Variants in GAREM1 observed in about 807,000 individuals in gnomAD.
GAREM1 encodes GRB2-associated and regulator of MAPK protein 1.
Under a neutral mutation model 71.3 loss-of-function variants are expected in GAREM1, and 26 were observed. That is an observed-to-expected ratio of 0.36 (90% CI 0.27 to 0.51). The LOEUF is 0.51. GAREM1 is among the 20% of genes least tolerant of loss of function. The probability of loss-of-function intolerance (pLI) is 0.95; values close to 1 mark genes in which losing one functional copy is unlikely to be tolerated. For missense variants in GAREM1, 1,026 were observed against 1,103.1 expected, an observed-to-expected ratio of 0.93 and a Z score of 0.99; for synonymous variants, 440 against 433.2, an observed-to-expected ratio of 1.02 and a Z score of -0.20.
intron 2 of GAREM1, among the ~76,000 whole-genome samples, chr18:32,369,587 GAA>G (rs1487855309): frequency 6.6e-6 from 1 of 152,146 alleles, no homozygotes; most frequent in African/African-American, 2.4e-5. Context: ...TAAAATAAAA[GAA>G]TGACAATTTT....
chr18:32,327,103 T>C lies in GAREM1; in HGVS notation c.263-16780A>G, dbSNP rs1294688405. On this transcript the variant is annotated intron_variant, in intron 2 of 5. Transcript: ENST00000269209. ...GAAATGTAAAAAGAACTGTAATAAC[T>C]GAGTCAGCAATTATGATTTCTGATA... is the stretch of plus-strand genomic sequence containing the variant. 2.6e-5 allele frequency among the ~76,000 whole-genome samples: 4 copies of C among 152,224 alleles called. No homozygotes were observed. The East Asian group carries it at 5.8e-4, about 22-fold the overall frequency.
chr18:32,295,937 G>T (rs1337625054), intron 3 of GAREM1, among the ~76,000 whole-genome samples: 1 of 151,868 alleles, frequency 6.6e-6, no homozygotes, highest in Non-Finnish European at 1.5e-5. Flanking sequence ...TTCAAGCCTA[G>T]GAATTTAAAT....
Position 32,264,828 on chromosome 18 carries a change from G to A in GAREM1, c.*3043C>T, listed in dbSNP as rs1237119532. 1 of 152,216 alleles carries A rather than the reference G, an allele frequency of 6.6e-6. No homozygotes were observed. The highest frequency in any genetic ancestry group is 1.5e-5 in the Non-Finnish European group (1 of 68,054). The allele number at this position is 152,216 out of a possible 1,614,324, so 9.4% of individuals were successfully genotyped here. On this transcript the variant is annotated 3_prime_UTR_variant, in exon 6 of 6. Transcript: ENST00000269209. The stretch of plus-strand genomic sequence containing the variant: ...TAGTTGCTTGGCTTGGTTTATTGCT[G>A]ATTTTCTTTTCTGATGGGGGCCATG...
chr18:32,331,386 G>T (rs576710601), intron 2 of GAREM1, among the ~76,000 whole-genome samples: 2 of 152,252 alleles, frequency 1.3e-5, no homozygotes, highest in East Asian at 3.9e-4. Context: ...AGCTTTCAGC[G>T]ATTTATCCAA....
intron 1 of GAREM1, among the ~76,000 whole-genome samples, chr18:32,404,958 ATAATT>A (rs1316338703): frequency 1.3e-5 from 2 of 152,238 alleles, no homozygotes; most frequent in Admixed American, 6.5e-5. Flanking sequence ...TAAACAATGA[ATAATT>A]TAATAAGTTC....
At chr18:32,325,121 G>C (rs545408840) in intron 2 of GAREM1, among the ~76,000 whole-genome samples, 3 of 152,228 alleles carry the variant, frequency 2.0e-5, no homozygotes, top group Admixed American at 2.0e-4. Flanking sequence ...ACCATGCCCA[G>C]CTAATTTTTG....
rs568126978 is a variant in GAREM1 at position 32,348,569 on chromosome 18, C to T, written c.263-38246G>A. On this transcript the variant is annotated intron_variant, in intron 2 of 5. Coordinates refer to ENST00000269209, the MANE Select transcript of GAREM1 (RefSeq NM_001242409.2). ...TGAAACGCCATCTCTACTAAAAATA[C>T]GAAAATTAGCTGGGCGTGGTGGTGC... Among the ~76,000 whole-genome samples the T allele has an allele frequency of 1.1e-4, 16 of 151,840 alleles. No individual in the cohort carries two copies. The East Asian group carries it at 1.2e-3, about 11-fold the overall frequency.
intron 1 of GAREM1, among the ~76,000 whole-genome samples, chr18:32,446,565 GT>G (rs1423358508): frequency 1.3e-5 from 2 of 152,146 alleles, no homozygotes; most frequent in African/African-American, 2.4e-5. Context: ...AATTTCCCAA[GT>G]TCACACACAG....
chr18:32,468,891 CTATT>C (rs1306063483), intron 1 of GAREM1, among the ~76,000 whole-genome samples: 1 of 151,740 alleles, frequency 6.6e-6, no homozygotes, highest in African/African-American at 2.4e-5. Flanking sequence ...TCTGCAGATG[CTATT>C]TAAAGCACAC....
chr18:32,441,273 T>G (rs2048734123), intron 1 of GAREM1, among the ~76,000 whole-genome samples: 2 of 152,156 alleles, frequency 1.3e-5, no homozygotes, highest in African/African-American at 2.4e-5. Context: ...AAAATTCATT[T>G]AAGAATTTGG....
chr18:32,380,067 G>A (rs886934202), intron 2 of GAREM1, among the ~76,000 whole-genome samples: 11 of 152,130 alleles, frequency 7.2e-5, no homozygotes, highest in Admixed American at 3.9e-4. Context: ...GAATTTTTCC[G>A]CCATGACACG....
chr18:32,352,502 G>A (rs572796114), intron 2 of GAREM1, among the ~76,000 whole-genome samples: 3 of 152,290 alleles, frequency 2.0e-5, no homozygotes, highest in African/African-American at 7.2e-5. Flanking sequence ...GAGGGCCACA[G>A]TTTTGGGAGG....
intron 2 of GAREM1, among the ~76,000 whole-genome samples, chr18:32,338,565 A>G (rs1267732332): frequency 6.6e-6 from 1 of 152,236 alleles, no homozygotes; most frequent in African/African-American, 2.4e-5. Flanking sequence ...ATGATGCATT[A>G]AACACCCTTA....
At chr18:32,380,321 C>T (rs931028209) in intron 2 of GAREM1, among the ~76,000 whole-genome samples, 4 of 151,736 alleles carry the variant, frequency 2.6e-5, no homozygotes, top group Non-Finnish European at 5.9e-5. Flanking sequence ...ACTAAAAATA[C>T]AAGAATTAGC....
At chr18:32,317,466 T>C (rs1220455692) in intron 2 of GAREM1, among the ~76,000 whole-genome samples, 1 of 150,940 alleles carries the variant, frequency 6.6e-6, no homozygotes, top group Non-Finnish European at 1.5e-5. Flanking sequence ...CACTGAACAG[T>C]CATACCAGAG....
intron 2 of GAREM1, among the ~76,000 whole-genome samples, chr18:32,352,425 T>C (rs1396292285): frequency 6.6e-6 from 1 of 152,106 alleles, no homozygotes; most frequent in Non-Finnish European, 1.5e-5. Flanking sequence ...TCAGAATCTT[T>C]TCACAGTCAC....
chr18:32,384,208 G>A (rs2048123750), intron 2 of GAREM1, among the ~76,000 whole-genome samples: 2 of 152,154 alleles, frequency 1.3e-5, no homozygotes, highest in Non-Finnish European at 2.9e-5. Context: ...AAGAAGCCAT[G>A]AGCTGGAAGC....
At position 32,382,232 on chromosome 18, in the gene GAREM1, G is replaced by A. The variant is rs574622725; in HGVS notation, c.262+10663C>T. 4.6e-5 allele frequency among the ~76,000 whole-genome samples: 7 copies of A among 152,308 alleles called. No individual in the cohort carries two copies. The South Asian group carries it at 1.2e-3, about 27-fold the overall frequency. ...TTAGTGGTGGGAAGAGTGACAGCAA[G>A]ACAAACAGTCATGGGTGCAAATTGT... On this transcript the variant is annotated intron_variant, in intron 2 of 5. Coordinates refer to ENST00000269209, the MANE Select transcript of GAREM1 (RefSeq NM_001242409.2).
At chr18:32,330,360 G>C (rs978974784) in intron 2 of GAREM1, among the ~76,000 whole-genome samples, 4 of 152,114 alleles carry the variant, frequency 2.6e-5, no homozygotes, top group Non-Finnish European at 4.4e-5. Context: ...TACTAGTTGT[G>C]GGGGGAGGGA....
Sources: gnomAD v4.1 joint callset for allele counts (sites outside exome capture counted in the v4.1 genomes callset) on GRCh38, gnomAD v4.1.1 for gene constraint, MANE v1.5 for transcripts, NCBI Gene and HGNC (gene_info 2026-07-23, HGNC 2026-07-21) for gene names.